Variants in RORA observed in about 807,000 individuals in gnomAD.
RORA encodes RAR related orphan receptor A.
In RORA, 7 loss-of-function variants were observed where a neutral mutation model predicts 69.5. The observed-to-expected ratio is 0.10, with a 90% CI of 0.06 to 0.19. The LOEUF is 0.19. Among genes scored for constraint, RORA ranks in the 10% least tolerant of loss-of-function variants. RORA has a pLI of 1.00. For synonymous variants in RORA, 261 were observed against 240.8 expected (o/e 1.08, Z -0.78); for missense variants, 457 against 663.0 (o/e 0.69, Z 3.41).
intron 1 of RORA, among the ~76,000 whole-genome samples, chr15:60,898,172 C>A (rs1013026280): frequency 6.6e-6 from 1 of 152,148 alleles, no homozygotes; most frequent in Admixed American, 6.5e-5. Context: ...GAAGCAGAGG[C>A]TCAGCTTGGC....
intron 1 of RORA, among the ~76,000 whole-genome samples, chr15:60,963,152 C>T (rs962923984): frequency 2.0e-5 from 3 of 152,208 alleles, no homozygotes; most frequent in African/African-American, 7.2e-5. Flanking sequence ...ATGACTATCC[C>T]CATTTACGCT....
chr15:60,666,534 A>G (rs550797812), intron 2 of RORA, among the ~76,000 whole-genome samples: 1 of 152,084 alleles, frequency 6.6e-6, no homozygotes, highest in South Asian at 2.1e-4. Context: ...AACAGCAACT[A>G]TTCTGCAATA....
chr15:60,941,782 T>G (rs1892703767), intron 1 of RORA, among the ~76,000 whole-genome samples: 1 of 152,254 alleles, frequency 6.6e-6, no homozygotes. Context: ...CTCACTGATC[T>G]ATCTTTTTCA....
At chr15:60,784,703 G>A (rs1255211250) in intron 1 of RORA, among the ~76,000 whole-genome samples, 5 of 152,126 alleles carry the variant, frequency 3.3e-5, no homozygotes, top group African/African-American at 1.2e-4. Flanking sequence ...TTAGCATCCT[G>A]GTTCTGCTAT....
rs1408305438 is a variant in RORA, at chr15:60,496,339, T to C, written c.*1116A>G. ...CCAATAAATATTCTGGTTGTTGATTTGTTCTCAAAGCATAAGAATTCCAAG... is the reference window on the plus strand; with the variant it reads ...CCAATAAATATTCTGGTTGTTGATTCGTTCTCAAAGCATAAGAATTCCAAG... On this transcript the variant is annotated 3_prime_UTR_variant, in exon 11 of 11. Transcript: ENST00000335670. This position sits in a 1 kb window ranked among gnomAD's most constrained non-coding sequence, Gnocchi z 4.5. 7 of 152,322 alleles carry C rather than the reference T, an allele frequency of 4.6e-5. No individual in the cohort carries two copies. In the South Asian group the frequency reaches 6.2e-4, roughly 14 times the overall value. 9.4% of individuals were successfully genotyped at this position (152,322 alleles called of 1,614,324 possible). A position where few individuals can be genotyped will look rare whatever the true frequency, so the allele number is the denominator to read the frequency against.
chr15:60,606,655 A>C (rs562061264), intron 2 of RORA, among the ~76,000 whole-genome samples: 17 of 152,234 alleles, frequency 1.1e-4, no homozygotes, highest in Non-Finnish European at 2.2e-4. Flanking sequence ...GTTAAAAGGA[A>C]AAAGTCCTAT....
intron 1 of RORA, among the ~76,000 whole-genome samples, chr15:61,031,930 G>T (rs1896191374): frequency 6.6e-6 from 1 of 152,196 alleles, no homozygotes; most frequent in Admixed American, 6.5e-5. Flanking sequence ...CTTCTCTTCT[G>T]AAGAGTTGGA....
At chr15:60,604,443 A>T (rs1384350137) in intron 2 of RORA, among the ~76,000 whole-genome samples, 2 of 152,210 alleles carry the variant, frequency 1.3e-5, no homozygotes, top group Non-Finnish European at 2.9e-5. Context: ...CTATGGTCTA[A>T]GTTTAAATGT....
intron 1 of RORA, among the ~76,000 whole-genome samples, chr15:60,947,553 G>A (rs1436909444): frequency 2.0e-5 from 3 of 151,960 alleles, no homozygotes; most frequent in African/African-American, 7.3e-5. Flanking sequence ...CACAAACACT[G>A]CGGAAGGCCC....
chr15:60,531,454 G>C lies in RORA; in HGVS notation c.282+312C>G, dbSNP rs538661629. 3.7e-6 allele frequency: 1 copy of C among 271,476 alleles called. No individual in the cohort carries two copies. The highest frequency in any genetic ancestry group is 5.7e-5 in the South Asian group (1 of 17,544). 16.8% of individuals were successfully genotyped at this position (271,476 alleles called of 1,614,324 possible). On this transcript the variant is annotated intron_variant, in intron 3 of 10. Transcript: ENST00000335670. The surrounding 1 kb of genome is among the most constrained non-coding windows in gnomAD (Gnocchi z 4.8). ...AGCTTATGACAGGGACATTGTAGAA[G>C]TCTGGAGTTAGCTCTTTTTTAAAAA...
chr15:61,032,959 A>T (rs745399582), intron 1 of RORA, among the ~76,000 whole-genome samples: 10 of 152,208 alleles, frequency 6.6e-5, no homozygotes, highest in African/African-American at 2.4e-4. Context: ...GCACTTTGCC[A>T]GGTGCTTTAA....
At chr15:60,560,091 T>G (rs2067486454) in intron 2 of RORA, among the ~76,000 whole-genome samples, 2 of 152,174 alleles carry the variant, frequency 1.3e-5, no homozygotes, top group South Asian at 4.2e-4. Flanking sequence ...AGCAAAAAGT[T>G]TATCACAGCA....
chr15:61,058,081 T>G, intron 1 of RORA, among the ~76,000 whole-genome samples: 1 of 151,958 alleles, frequency 6.6e-6, no homozygotes. Context: ...GGAGGCCTCC[T>G]GAAAGAGGAA....
intron 1 of RORA, among the ~76,000 whole-genome samples, chr15:60,758,238 A>G (rs1319819498): frequency 1.3e-5 from 2 of 152,170 alleles, no homozygotes; most frequent in Admixed American, 6.6e-5. Flanking sequence ...TACAATAAGC[A>G]TGTATTCAGT....
intron 1 of RORA, among the ~76,000 whole-genome samples, chr15:60,966,166 T>A (rs963272585): frequency 1.3e-5 from 2 of 152,210 alleles, no homozygotes; most frequent in Non-Finnish European, 2.9e-5. Context: ...TCTCTCTGTA[T>A]CCACATTTCC....
intron 3 of RORA, among the ~76,000 whole-genome samples, chr15:60,526,855 A>G (rs1254813897): frequency 2.0e-5 from 3 of 152,260 alleles, no homozygotes; most frequent in Non-Finnish European, 2.9e-5. Flanking sequence ...ATTCATATAA[A>G]GCTGCTTTTT....
chr15:60,599,791 G>A (rs28611012), intron 2 of RORA, among the ~76,000 whole-genome samples: 9,475 of 152,302 alleles, frequency 0.062, 363 homozygotes, highest in East Asian at 0.14. Context: ...ATTGGAGGTA[G>A]AAGAAGGGAA....
intron 2 of RORA, among the ~76,000 whole-genome samples, chr15:60,574,899 G>A (rs1056909548): frequency 6.6e-6 from 1 of 152,116 alleles, no homozygotes; most frequent in African/African-American, 2.4e-5. Flanking sequence ...CTTTCTGAGA[G>A]TCTTTCTTAT....
At chr15:61,087,597 C>G (rs1285547002) in intron 1 of RORA, among the ~76,000 whole-genome samples, 1 of 152,166 alleles carries the variant, frequency 6.6e-6, no homozygotes, top group Non-Finnish European at 1.5e-5. Context: ...CATATAAAAA[C>G]AACATATGAG....
Sources: gnomAD v4.1 joint callset for allele counts (sites outside exome capture counted in the v4.1 genomes callset) on GRCh38, gnomAD v4.1.1 for gene constraint, Gnocchi (gnomAD v3.1) non-coding constraint, MANE v1.5 for transcripts, NCBI Gene and HGNC (gene_info 2026-07-23, HGNC 2026-07-21) for gene names.